ATP9B: variants seen among roughly 807,000 people sequenced by gnomAD.
ATP9B encodes ATPase phospholipid transporting 9B, also known as probable phospholipid-transporting ATPase IIB.
ATP9B carries 110 observed loss-of-function variants against 146.1 expected under a neutral mutation model. That is an observed-to-expected ratio of 0.75 (90% CI 0.65 to 0.88). The LOEUF (loss-of-function observed/expected upper bound fraction) is 0.88, where lower values mean the gene tolerates loss of function less well. ATP9B is among the 40% of genes least tolerant of loss of function. The pLI is 0.00. For missense variants in ATP9B, 1,499 were observed against 1,496.4 expected, an observed-to-expected ratio of 1.00 and a Z score of -0.03; for synonymous variants, 604 against 569.7, an observed-to-expected ratio of 1.06 and a Z score of -0.86.
intron 17 of ATP9B, among the ~76,000 whole-genome samples, chr18:79,333,307 C>T (rs939282941): frequency 2.6e-5 from 4 of 152,232 alleles, no homozygotes; most frequent in African/African-American, 9.6e-5. Context: ...AGGAGCTGGC[C>T]TCTCCACTGC....
chr18:79,082,762 G>T, intron 1 of ATP9B, among the ~76,000 whole-genome samples: 1 of 152,240 alleles, frequency 6.6e-6, no homozygotes, highest in East Asian at 1.9e-4. Context: ...ATTGCTGCCT[G>T]TTTCTTCCTC....
chr18:79,130,738 C>CCCT (rs1555696523), intron 5 of ATP9B, among the ~76,000 whole-genome samples: 1 of 151,986 alleles, frequency 6.6e-6, no homozygotes, highest in East Asian at 1.9e-4. Context: ...ACACAAGGAA[C>CCCT]CCTCCGTAGG....
intron 25 of ATP9B, among the ~76,000 whole-genome samples, chr18:79,349,092 C>T (rs1014402661): frequency 2.0e-5 from 3 of 152,236 alleles, no homozygotes; most frequent in African/African-American, 7.2e-5. Flanking sequence ...ATCTGCAAAA[C>T]AGGAGCTTCC....
intron 1 of ATP9B, among the ~76,000 whole-genome samples, chr18:79,082,725 A>T (rs2073397138): frequency 6.6e-6 from 1 of 152,148 alleles, no homozygotes; most frequent in South Asian, 2.1e-4. Flanking sequence ...CCTGGGTTTC[A>T]CCAGCGGAGG....
intron 10 of ATP9B, 45 bp downstream of exon 10, chr18:79,207,057 T>C: frequency 6.4e-7 from 1 of 1,568,152 alleles, no homozygotes; most frequent in South Asian, 1.1e-5. Flanking sequence ...CCCGGATAGA[T>C]GATGCTTTGT....
chr18:79,240,761 AAAG>A (rs1172213782), intron 11 of ATP9B, among the ~76,000 whole-genome samples: 2 of 152,220 alleles, frequency 1.3e-5, no homozygotes, highest in Non-Finnish European at 2.9e-5. Flanking sequence ...AACAACAGAA[AAAG>A]AAGGTTCAAC....
chr18:79,262,694 G>A (rs1245043581), intron 12 of ATP9B, among the ~76,000 whole-genome samples: 8 of 152,256 alleles, frequency 5.3e-5, no homozygotes, highest in South Asian at 2.1e-4. Flanking sequence ...TCCCCTTTAC[G>A]TGGTACATAT....
intron 10 of ATP9B, among the ~76,000 whole-genome samples, chr18:79,212,999 C>T (rs757095025): frequency 5.9e-5 from 9 of 152,116 alleles, no homozygotes; most frequent in African/African-American, 2.2e-4. Context: ...TAATATGTAA[C>T]ATATCAAGGT....
At chr18:79,309,842 AAAG>A (rs1251165352) in intron 15 of ATP9B, among the ~76,000 whole-genome samples, 3 of 152,214 alleles carry the variant, frequency 2.0e-5, no homozygotes, top group African/African-American at 7.2e-5. Context: ...TATTTAAACA[AAAG>A]AAGATGCAAA....
At position 79,309,579 on chromosome 18, in the gene ATP9B, GA is replaced by G. The variant is rs1386705731; in HGVS notation, c.1773+2346del. On this transcript the variant is annotated intron_variant, in intron 15 of 29. Coordinates refer to ENST00000426216, the MANE Select transcript of ATP9B (RefSeq NM_198531.5). ...AGCAGGTAGAAGGTCAGGGGCTGAG[GA>G]GTGATCCCCAGCAGGTAGAAGGTCA... Among the ~76,000 whole-genome samples, 159 of 141,336 alleles carry G rather than the reference GA, an allele frequency of 1.1e-3. 1 individual carries two copies. Among genetic ancestry groups the G allele is most frequent in the South Asian group, 3.2e-3 (13 of 4,048 alleles). The allele number at this position is 141,336 out of a possible 152,430, so 92.7% of individuals were successfully genotyped here. A position where few individuals can be genotyped will look rare whatever the true frequency, so the allele number is the denominator to read the frequency against.
chr18:79,224,960 G>C (rs569263654), intron 11 of ATP9B, among the ~76,000 whole-genome samples: 1 of 152,192 alleles, frequency 6.6e-6, no homozygotes, highest in South Asian at 2.1e-4. Context: ...CAGGAACCAC[G>C]ACCACAGTAA....
intron 6 of ATP9B, among the ~76,000 whole-genome samples, chr18:79,147,375 CAGT>C (rs1342712254): frequency 6.6e-6 from 1 of 152,176 alleles, no homozygotes; most frequent in Admixed American, 6.5e-5. Context: ...CCGTACCTGT[CAGT>C]AGGAGAGAAC....
chr18:79,120,666 T>A lies in ATP9B; in HGVS notation c.559-5601T>A, dbSNP rs2094172863. On this transcript the variant is annotated intron_variant, in intron 4 of 29. Coordinates refer to ENST00000426216, the MANE Select transcript of ATP9B (RefSeq NM_198531.5). ...AACAAAACAGAATGTCATGCTTCTA[T>A]CAAAATGAACGAGATGGAATAGATC... Among the ~76,000 whole-genome samples, 3 of 152,202 alleles carry A rather than the reference T, an allele frequency of 2.0e-5. No homozygotes were observed. In the South Asian group the frequency reaches 6.2e-4, roughly 31 times the overall value.
At chr18:79,167,028 C>T (rs1221446865) in intron 7 of ATP9B, among the ~76,000 whole-genome samples, 1 of 152,278 alleles carries the variant, frequency 6.6e-6, no homozygotes, top group East Asian at 1.9e-4. Context: ...GCGACTTCCA[C>T]TGTGGGCACC....
At chr18:79,329,885 G>A in intron 16 of ATP9B, 127 bp from the exon 17 acceptor site, 5 of 797,192 alleles carry the variant, frequency 6.3e-6, no homozygotes, top group Non-Finnish European at 1.1e-5. Flanking sequence ...CACGTGTGAG[G>A]AGCTTAACAC....
intron 5 of ATP9B, among the ~76,000 whole-genome samples, chr18:79,142,182 A>G (rs2147396201): frequency 6.6e-6 from 1 of 152,314 alleles, no homozygotes; most frequent in East Asian, 1.9e-4. Flanking sequence ...TTAAACATGT[A>G]ATTGAAGGTA....
At chr18:79,284,779 C>T (rs12955779) in intron 13 of ATP9B, among the ~76,000 whole-genome samples, 1 of 148,574 alleles carries the variant, frequency 6.7e-6, no homozygotes, top group Admixed American at 6.8e-5. Flanking sequence ...CCCCACCCCA[C>T]CCCACAACAG....
rs1205676459 is a variant in ATP9B, at chr18:79,214,044, C to T, written c.1107+6C>T. On this transcript the variant is annotated splice_donor_region_variant and intron_variant, in intron 11 of 29. Transcript: ENST00000426216. ...CATCCAATCCAAAAAATAAGGTAGG[C>T]TAGATTGAGGAGCAACTGCTTTAAT... is the stretch of plus-strand genomic sequence containing the variant. The T allele has an allele frequency of 5.0e-6, 8 of 1,584,792 alleles. No homozygotes were observed. The highest frequency in any genetic ancestry group is 6.8e-6 in the Non-Finnish European group (8 of 1,168,738).
At chr18:79,185,078 G>A (rs1339949225) in intron 8 of ATP9B, among the ~76,000 whole-genome samples, 1 of 150,832 alleles carries the variant, frequency 6.6e-6, no homozygotes, top group Admixed American at 6.6e-5. Context: ...GGTGACAGAG[G>A]TTAGCAGTGC....
Sources: allele counts gnomAD v4.1 joint callset (sites outside exome capture counted in the v4.1 genomes callset), GRCh38; gene constraint gnomAD v4.1.1; transcripts MANE v1.5; gene names NCBI Gene and HGNC (gene_info 2026-07-23, HGNC 2026-07-21).